SGCD: variants seen among roughly 807,000 people sequenced by gnomAD.
SGCD encodes the protein sarcoglycan delta.
Under a neutral mutation model 36.6 loss-of-function variants are expected in SGCD, and 18 were observed. That is an observed-to-expected ratio of 0.49 (90% CI 0.34 to 0.73). SGCD has a LOEUF of 0.73. Ranked by LOEUF, SGCD falls within the 30% of genes least tolerant of loss-of-function variation. The probability of loss-of-function intolerance (pLI) is 0.01; values close to 1 mark genes in which losing one functional copy is unlikely to be tolerated. For missense variants in SGCD, 387 were observed against 346.7 expected (o/e 1.12, Z -0.92); for synonymous variants, 133 against 130.6 (o/e 1.02, Z -0.12).
intron 3 of SGCD, among the ~76,000 whole-genome samples, chr5:156,129,407 AG>A (rs1392426737): frequency 2.0e-5 from 3 of 152,222 alleles, no homozygotes; most frequent in African/African-American, 7.2e-5. Context: ...TTCAAGTGTC[AG>A]TCCATCTGAC....
intron 7 of SGCD, among the ~76,000 whole-genome samples, chr5:156,706,403 T>C (rs543892431): frequency 6.6e-6 from 1 of 152,260 alleles, no homozygotes; most frequent in African/African-American, 2.4e-5. Flanking sequence ...TTTTTGATCA[T>C]TGGTCTTTGA....
chr5:156,322,483 T>C (rs749097513), upstream of SGCD, among the ~76,000 whole-genome samples: 1 of 152,142 alleles, frequency 6.6e-6, no homozygotes, highest in East Asian at 1.9e-4. Flanking sequence ...TCAGGAAAGA[T>C]TGACATGAAT....
chr5:156,253,202 T>A (rs1449980840), intron 3 of SGCD, among the ~76,000 whole-genome samples: 1 of 152,082 alleles, frequency 6.6e-6, no homozygotes, highest in East Asian at 1.9e-4. Flanking sequence ...AAAGCCCAGG[T>A]GAGCTGGGAT....
chr5:156,001,518 A>G (rs1425198282), intron 1 of SGCD, among the ~76,000 whole-genome samples: 3 of 152,194 alleles, frequency 2.0e-5, no homozygotes, highest in Non-Finnish European at 4.4e-5. Context: ...GCATGTCTCT[A>G]TCTCATTGTC....
chr5:156,318,448 A>G (rs1000387393), intron 3 of SGCD, among the ~76,000 whole-genome samples: 3 of 152,168 alleles, frequency 2.0e-5, no homozygotes, highest in South Asian at 2.1e-4. Flanking sequence ...TTTTGTATCT[A>G]TCATATCTCC....
chr5:156,450,367 A>G (rs1753952932), intron 3 of SGCD, among the ~76,000 whole-genome samples: 2 of 152,066 alleles, frequency 1.3e-5, no homozygotes, highest in Admixed American at 1.3e-4. Flanking sequence ...TCCTATGCAC[A>G]CTGGATAGGG....
intron 4 of SGCD, among the ~76,000 whole-genome samples, chr5:156,522,154 G>A (rs911280140): frequency 1.3e-5 from 2 of 152,076 alleles, no homozygotes; most frequent in Non-Finnish European, 2.9e-5. Flanking sequence ...GAGAACACCT[G>A]GACACAGGGC....
intron 3 of SGCD, among the ~76,000 whole-genome samples, chr5:156,346,950 A>G (rs1481996689): frequency 6.6e-6 from 1 of 151,942 alleles, no homozygotes; most frequent in Non-Finnish European, 1.5e-5. Context: ...GGTGCGCACC[A>G]CCACGCCCAG....
intron 3 of SGCD, among the ~76,000 whole-genome samples, chr5:156,156,268 G>C (rs536332318): frequency 6.6e-6 from 1 of 151,478 alleles, no homozygotes; most frequent in Non-Finnish European, 1.5e-5. Flanking sequence ...TAGAACTAAG[G>C]CTTCCTTAGT....
chr5:155,945,152 C>T (rs1367432979), intron 1 of SGCD, among the ~76,000 whole-genome samples: 1 of 152,020 alleles, frequency 6.6e-6, no homozygotes, highest in Admixed American at 6.6e-5. Context: ...TTTTGAGAAC[C>T]AATGAGGTCT....
At chr5:156,361,502 C>A (rs1486864753) in intron 3 of SGCD, among the ~76,000 whole-genome samples, 2 of 152,128 alleles carry the variant, frequency 1.3e-5, no homozygotes, top group East Asian at 1.9e-4. Context: ...TTAGAGATAA[C>A]CAGAAAGTAG....
intron 6 of SGCD, among the ~76,000 whole-genome samples, chr5:156,638,517 A>G (rs1161180465): frequency 1.3e-5 from 2 of 152,216 alleles, no homozygotes; most frequent in African/African-American, 4.8e-5. Flanking sequence ...TTCTCAGCTT[A>G]TCGCTGATGC....
intron 4 of SGCD, among the ~76,000 whole-genome samples, chr5:156,537,478 C>CACAG (rs1758166269): frequency 6.7e-6 from 1 of 149,910 alleles, no homozygotes; most frequent in African/African-American, 2.5e-5. Flanking sequence ...CACACACACA[C>CACAG]ACACACACAC....
chr5:156,252,551 C>T (rs1765609308), intron 3 of SGCD, among the ~76,000 whole-genome samples: 1 of 152,092 alleles, frequency 6.6e-6, no homozygotes, highest in African/African-American at 2.4e-5. Flanking sequence ...TATATGTTGG[C>T]AAATGGAATT....
At chr5:156,653,493 C>CTTTTTTTTTTTGTTTTTTTTTTTTTTTT (rs1763547057) in intron 7 of SGCD, among the ~76,000 whole-genome samples, 1 of 48,082 alleles carries the variant, frequency 2.1e-5, no homozygotes, top group Non-Finnish European at 4.0e-5. Context: ...CTAAAGCTTG[C>CTTTTTTTTTTTGTTTTTTTTTTTTTTTT]TTTTTTTTTT....
At chr5:156,125,036 T>C (rs988234764) in intron 3 of SGCD, among the ~76,000 whole-genome samples, 1 of 152,176 alleles carries the variant, frequency 6.6e-6, no homozygotes, top group Non-Finnish European at 1.5e-5. Flanking sequence ...AGTAGTAGGA[T>C]TGCATTCACT....
At chr5:155,799,812 C>CTTTTTTTTTTTTTTTTTTTTTTT in the SGCD span, among the ~76,000 whole-genome samples, 2 of 58,762 alleles carry the variant, frequency 3.4e-5, 1 homozygote, top group African/African-American at 1.4e-4. Context: ...TCCTATTCCC[C>CTTTTTTTTTTTTTTTTTTTTTTT]TTTTTTTTTT....
intron 7 of SGCD, among the ~76,000 whole-genome samples, chr5:156,715,831 T>G (rs1755198707): frequency 6.6e-6 from 1 of 152,164 alleles, no homozygotes; most frequent in Non-Finnish European, 1.5e-5. Context: ...GAGCAAGTAC[T>G]TTTCTGAGAA....
At chr5:156,334,793 G>C (rs1419556840) in intron 2 of SGCD, among the ~76,000 whole-genome samples, 1 of 152,026 alleles carries the variant, frequency 6.6e-6, no homozygotes, top group Non-Finnish European at 1.5e-5. Flanking sequence ...ATATATCCCA[G>C]ATGCCTTGAA....
Sources: gnomAD v4.1 joint callset for allele counts (sites outside exome capture counted in the v4.1 genomes callset) on GRCh38, gnomAD v4.1.1 for gene constraint, MANE v1.5 for transcripts, NCBI Gene and HGNC (gene_info 2026-07-23, HGNC 2026-07-21) for gene names.